Variants in ZBTB2 observed in about 807,000 individuals in gnomAD.
ZBTB2 encodes zinc finger and BTB domain containing 2, also known as zinc finger and BTB domain-containing protein 2.
ZBTB2 carries 2 observed loss-of-function variants against 39.5 expected under a neutral mutation model. The observed-to-expected ratio is 0.05, with a 90% CI of 0.02 to 0.16. The LOEUF (loss-of-function observed/expected upper bound fraction) is 0.16. Ranked by LOEUF, ZBTB2 falls within the 10% of genes least tolerant of loss-of-function variation. The pLI, the probability that ZBTB2 is intolerant of heterozygous loss-of-function variation, is 1.00. For missense variants in ZBTB2, 391 were observed against 653.0 expected (o/e 0.60, Z 4.37); for synonymous variants, 251 against 256.6 (o/e 0.98, Z 0.21).
chr6:151,390,855 G>C (rs1464167127), intron 1 of ZBTB2, among the ~76,000 whole-genome samples: 1 of 151,290 alleles, frequency 6.6e-6, no homozygotes. Flanking sequence ...GGAGGCGGCG[G>C]CGAGGCGTCG....
intron 2 of ZBTB2, among the ~76,000 whole-genome samples, chr6:151,367,967 A>G (rs1294622518): frequency 1.3e-5 from 2 of 152,236 alleles, no homozygotes; most frequent in Non-Finnish European, 2.9e-5. Context: ...CTATATCCAC[A>G]TATCACAAGG....
chr6:151,377,580 G>A (rs555005145), intron 1 of ZBTB2, among the ~76,000 whole-genome samples: 15 of 127,888 alleles, frequency 1.2e-4, no homozygotes, highest in African/African-American at 4.2e-4. Flanking sequence ...TCGCTCTGTT[G>A]CCCAGGCTGG....
chr6:151,387,392 C>A (rs920708151), intron 1 of ZBTB2, among the ~76,000 whole-genome samples: 4 of 152,002 alleles, frequency 2.6e-5, no homozygotes, highest in Admixed American at 2.6e-4. Flanking sequence ...CGGAAAAGGC[C>A]ATAACAACTT....
intron 1 of ZBTB2, among the ~76,000 whole-genome samples, chr6:151,391,153 C>T (rs901617420): frequency 2.0e-5 from 3 of 151,158 alleles, no homozygotes; most frequent in Non-Finnish European, 3.0e-5. Flanking sequence ...GCGGCCAGAG[C>T]CCCGGCGCCA....
chr6:151,365,700 T>C lies in ZBTB2; in HGVS notation c.1366A>G (p.Thr456Ala). Residue 456 changes from threonine to alanine, a missense_variant, in exon 3 of 3, where the codon ACA becomes GCA. By Grantham distance (58) the Thr-to-Ala change is moderately conservative (BLOSUM62 0). This residue lies in a region of ZBTB2 where 32 missense variants were observed against 73.5 expected (regional missense o/e 0.44). Coordinates refer to ENST00000325144, the MANE Select transcript of ZBTB2 (RefSeq NM_020861.3). This position sits in a 1 kb window ranked among gnomAD's most constrained non-coding sequence, Gnocchi z 5.6. ...ACAACCTCATTGGGAGTGGAGAATG[T>C]TTTGTCACACAAGTTGCATTTGTAG... ...KPYKCNLCDK[T>A]FSTPNEVVKH... The C allele has an allele frequency of 5.0e-6, 8 of 1,614,166 alleles. No individual in the cohort carries two copies. The highest frequency in any genetic ancestry group is 6.8e-6 in the Non-Finnish European group (8 of 1,180,032).
intron 1 of ZBTB2, among the ~76,000 whole-genome samples, chr6:151,375,122 A>AAAAAC (rs1240181754): frequency 7.2e-5 from 11 of 152,214 alleles, no homozygotes; most frequent in East Asian, 1.9e-4. Flanking sequence ...TCCATCTCAA[A>AAAAAC]AAAACAAAAC....
intron 1 of ZBTB2, among the ~76,000 whole-genome samples, chr6:151,388,547 T>G (rs1779213362): frequency 6.6e-6 from 1 of 152,240 alleles, no homozygotes; most frequent in African/African-American, 2.4e-5. Flanking sequence ...CTTTTCTTTT[T>G]TAATAGAGAT....
intron 1 of ZBTB2, among the ~76,000 whole-genome samples, chr6:151,382,878 A>C (rs931632794): frequency 6.6e-6 from 1 of 151,722 alleles, no homozygotes; most frequent in Non-Finnish European, 1.5e-5. Context: ...TTTCTAATGC[A>C]AACAAATTAC....
intron 1 of ZBTB2, among the ~76,000 whole-genome samples, chr6:151,390,695 G>GC (rs1414739908): frequency 6.6e-6 from 1 of 151,798 alleles, no homozygotes; most frequent in Non-Finnish European, 1.5e-5. Flanking sequence ...AGCTGTAGGA[G>GC]CCGCTGCAGC....
At chr6:151,373,819 G>T (rs1442752368) in intron 1 of ZBTB2, among the ~76,000 whole-genome samples, 170 bp from the exon 2 acceptor site, 1 of 115,042 alleles carries the variant, frequency 8.7e-6, no homozygotes, top group Non-Finnish European at 1.6e-5. Context: ...ACAGTCCTCT[G>T]AAGTAGTTAT....
intron 2 of ZBTB2, 116 bp downstream of exon 2, chr6:151,373,349 G>T: frequency 8.7e-7 from 1 of 1,147,158 alleles, no homozygotes. Context: ...GGCCACAAGG[G>T]AGCAGGTCAC....
Position 151,366,501 on chromosome 6 carries a change from G to A in ZBTB2, c.565C>T (p.Arg189Trp), listed in dbSNP as rs745802907. 1.7e-5 allele frequency: 27 copies of A among 1,613,986 alleles called. No homozygotes were observed. Among genetic ancestry groups the A allele is most frequent in the Non-Finnish European group, 2.3e-5 (27 of 1,180,034 alleles). Residue 189 changes from arginine to tryptophan, a missense_variant, in exon 3 of 3, where the codon CGG (arginine) becomes TGG (tryptophan). Transcript: ENST00000325144. This position sits in a 1 kb window ranked among gnomAD's most constrained non-coding sequence, Gnocchi z 7.1. ...GGGTCTGAGGGAGTCATATTTGTCC[G>A]ATTCACCTGGGCCAGATTTGAAGTC... Reference protein sequence around the residue: ...QLTSNLAQVNRTNMTPSDPLQ... With the variant: ...QLTSNLAQVNWTNMTPSDPLQ...
At chr6:151,390,226 C>G (rs1472333033) in intron 1 of ZBTB2, among the ~76,000 whole-genome samples, 1 of 151,492 alleles carries the variant, frequency 6.6e-6, no homozygotes, top group Non-Finnish European at 1.5e-5. Flanking sequence ...GCCACAGAGG[C>G]CGACGCGTCC....
intron 1 of ZBTB2, among the ~76,000 whole-genome samples, chr6:151,390,131 A>T (rs1179451916): frequency 6.6e-6 from 1 of 151,972 alleles, no homozygotes; most frequent in African/African-American, 2.4e-5. Flanking sequence ...CGTCGGGCGG[A>T]AGCTGGAGGC....
intron 2 of ZBTB2, among the ~76,000 whole-genome samples, chr6:151,369,713 C>G (rs971088083): frequency 3.3e-5 from 5 of 152,230 alleles, no homozygotes; most frequent in African/African-American, 1.2e-4. Flanking sequence ...TGGCTAATGC[C>G]TATAATCCCA....
chr6:151,371,520 C>T (rs1409779486), intron 2 of ZBTB2, among the ~76,000 whole-genome samples: 8 of 152,032 alleles, frequency 5.3e-5, no homozygotes, highest in African/African-American at 7.2e-5. Context: ...CAGCAAAATG[C>T]GGTCCAGGTG....
Position 151,365,649 on chromosome 6 carries a change from A to T in ZBTB2, c.1417T>A (p.Ser473Thr), listed in dbSNP as rs1459302026. The change falls in exon 3 of 3, where the codon TCG (serine) becomes ACG (threonine). Residue 473 changes from serine to threonine, a missense_variant. Ser to Thr is a moderately conservative substitution (Grantham distance 58). This residue lies in a region of ZBTB2 where 49 missense variants were observed against 55.6 expected (regional missense o/e 0.88). Transcript: ENST00000325144. This position sits in a 1 kb window ranked among gnomAD's most constrained non-coding sequence, Gnocchi z 5.6. ...CCTTCGTCTAGGGCAAAAACATCCG[A>T]GTTCTGGTTTTGGCATGAATGTTTA... is the stretch of plus-strand genomic sequence containing the variant. ...VVKHSCQNQN[S>T]DVFALDEGRS... 5 of 1,614,118 alleles carry T rather than the reference A, an allele frequency of 3.1e-6. No homozygotes were observed. In the South Asian group the frequency reaches 5.5e-5, roughly 18 times the overall value.
At chr6:151,376,331 G>C (rs1045830674) in intron 1 of ZBTB2, among the ~76,000 whole-genome samples, 36 of 152,288 alleles carry the variant, frequency 2.4e-4, no homozygotes, top group African/African-American at 7.9e-4. Flanking sequence ...ATGAGAACTT[G>C]ATAAACTGGA....
At chr6:151,387,686 C>G (rs1779190652) in intron 1 of ZBTB2, among the ~76,000 whole-genome samples, 1 of 152,192 alleles carries the variant, frequency 6.6e-6, no homozygotes, top group Non-Finnish European at 1.5e-5. Flanking sequence ...AAGTACTTAG[C>G]CAGATACATA....
Sources: gnomAD v4.1 joint callset for allele counts (sites outside exome capture counted in the v4.1 genomes callset) on GRCh38, gnomAD v4.1.1 for gene constraint, gnomAD v4.1.1 regional missense constraint, Gnocchi (gnomAD v3.1) non-coding constraint, MANE v1.5 for transcripts, NCBI Gene and HGNC (gene_info 2026-07-23, HGNC 2026-07-21) for gene names.